Variants in PTPN13 observed in about 807,000 individuals in gnomAD.
PTPN13 encodes the protein tyrosine-protein phosphatase non-receptor type 13.
In PTPN13, 191 loss-of-function variants were observed where a neutral mutation model predicts 284.0. That is an observed-to-expected ratio of 0.67 (90% CI 0.60 to 0.76). The LOEUF (loss-of-function observed/expected upper bound fraction) is 0.76. PTPN13 is among the 30% of genes least tolerant of loss of function. The pLI is 0.00. For missense variants in PTPN13, 2,797 were observed against 2,939.9 expected, an observed-to-expected ratio of 0.95 and a Z score of 1.12; for synonymous variants, 986 against 1,022.3, an observed-to-expected ratio of 0.96 and a Z score of 0.68.
chr4:86,638,284 C>T (rs533032377), intron 2 of PTPN13, among the ~76,000 whole-genome samples: 1 of 152,280 alleles, frequency 6.6e-6, no homozygotes, highest in East Asian at 1.9e-4. Flanking sequence ...ATGCCATCCC[C>T]ATCAAGCTAC....
At chr4:86,609,354 T>C (rs1194999006) in intron 1 of PTPN13, among the ~76,000 whole-genome samples, 1 of 152,150 alleles carries the variant, frequency 6.6e-6, no homozygotes, top group African/African-American at 2.4e-5. Context: ...TAGGTAAAAC[T>C]TGTATTTATA....
intron 2 of PTPN13, 61 bp downstream of exon 2, chr4:86,635,432 A>G: frequency 6.5e-7 from 1 of 1,543,166 alleles, no homozygotes; most frequent in Non-Finnish European, 8.7e-7. Context: ...CTTAAAAAAC[A>G]GATACAGGGT....
At chr4:86,641,929 A>T (rs994075011) in intron 2 of PTPN13, among the ~76,000 whole-genome samples, 6 of 152,172 alleles carry the variant, frequency 3.9e-5, no homozygotes, top group African/African-American at 1.4e-4. Flanking sequence ...AAACTTTATT[A>T]GTCTGTATTC....
intron 47 of PTPN13, among the ~76,000 whole-genome samples, chr4:86,814,241 G>C (rs1002288014): frequency 1.3e-5 from 2 of 151,530 alleles, no homozygotes; most frequent in African/African-American, 4.9e-5. Flanking sequence ...TCTTGACCTC[G>C]TGATCCACCC....
chr4:86,659,233 A>G (rs1726196385), intron 2 of PTPN13, among the ~76,000 whole-genome samples: 1 of 152,194 alleles, frequency 6.6e-6, no homozygotes, highest in Non-Finnish European at 1.5e-5. Flanking sequence ...TATACTAAAA[A>G]TATCATTTTC....
At chr4:86,757,105 T>C (rs1565495943) in intron 20 of PTPN13, among the ~76,000 whole-genome samples, 1 of 152,310 alleles carries the variant, frequency 6.6e-6, no homozygotes, top group East Asian at 1.9e-4. Context: ...AATTGCGAAG[T>C]AGATGAATTA....
intron 3 of PTPN13, among the ~76,000 whole-genome samples, chr4:86,675,888 A>G (rs1728222456): frequency 6.6e-6 from 1 of 152,168 alleles, no homozygotes; most frequent in Non-Finnish European, 1.5e-5. Context: ...CTTTCTGTTC[A>G]AAAATATTGA....
chr4:86,779,497 A>G (rs966112118), intron 35 of PTPN13, among the ~76,000 whole-genome samples: 4 of 152,014 alleles, frequency 2.6e-5, no homozygotes, highest in African/African-American at 9.7e-5. Context: ...GAGGAATGCT[A>G]TGAGAAGAGC....
chr4:86,685,288 C>T (rs1202453774), intron 3 of PTPN13, among the ~76,000 whole-genome samples: 1 of 152,052 alleles, frequency 6.6e-6, no homozygotes, highest in Non-Finnish European at 1.5e-5. Flanking sequence ...CAAATCAAAA[C>T]TGCAGTGAGG....
chr4:86,801,366 C>T (rs1744010196), intron 42 of PTPN13, among the ~76,000 whole-genome samples: 1 of 152,140 alleles, frequency 6.6e-6, no homozygotes, highest in Non-Finnish European at 1.5e-5. Flanking sequence ...TGCTTAGAAG[C>T]TAATTTAAAT....
intron 2 of PTPN13, among the ~76,000 whole-genome samples, chr4:86,648,835 A>G (rs1578333134): frequency 6.6e-6 from 1 of 152,178 alleles, no homozygotes; most frequent in South Asian, 2.1e-4. Context: ...GTAGTAATTT[A>G]CATTCCCACC....
At position 86,768,707 on chromosome 4, in the gene PTPN13, ATC is replaced by A. The variant is rs202136844; in HGVS notation, c.4489+733_4489+734del. On this transcript the variant is annotated intron_variant, in intron 28 of 47. Transcript: ENST00000411767. ...CTGCTCTTTATTCTTTATTTCTTCC[ATC>A]TTTTTTTTTTTTTTTTTTTGAAACA... Among the ~76,000 whole-genome samples, 292 of 145,136 alleles carry A rather than the reference ATC, an allele frequency of 2.0e-3. 2 individuals carry two copies. Among genetic ancestry groups the A allele is most frequent in the African/African-American group, 7.1e-3 (275 of 38,650 alleles).
intron 2 of PTPN13, among the ~76,000 whole-genome samples, chr4:86,655,518 T>A (rs1422301261): frequency 6.6e-6 from 1 of 152,236 alleles, no homozygotes. Context: ...TTTGGCTGGA[T>A]ATGAAATTCT....
At chr4:86,605,187 G>A (rs1764643121) in intron 1 of PTPN13, among the ~76,000 whole-genome samples, 1 of 151,928 alleles carries the variant, frequency 6.6e-6, no homozygotes, top group South Asian at 2.1e-4. Flanking sequence ...TTATGTTAAA[G>A]AAAGTGCCTT....
chr4:86,635,481 G>A (rs1166984445), intron 2 of PTPN13, 110 bp downstream of exon 2: 2 of 1,453,804 alleles, frequency 1.4e-6, no homozygotes, highest in Non-Finnish European at 1.8e-6. Context: ...CTGTGCCTTT[G>A]GCAGAGTATG....
chr4:86,676,299 G>C (rs934013462), intron 3 of PTPN13, among the ~76,000 whole-genome samples: 1 of 152,136 alleles, frequency 6.6e-6, no homozygotes, highest in East Asian at 1.9e-4. Flanking sequence ...TAAATGTTGG[G>C]CTTGTAGGGA....
At chr4:86,791,643 G>T (rs1475650343) in intron 40 of PTPN13, among the ~76,000 whole-genome samples, 1 of 152,194 alleles carries the variant, frequency 6.6e-6, no homozygotes, top group African/African-American at 2.4e-5. Flanking sequence ...CCTCTGGGAT[G>T]AAGCTTCCAG....
intron 20 of PTPN13, among the ~76,000 whole-genome samples, chr4:86,754,987 C>T (rs1004336478): frequency 6.6e-6 from 1 of 152,030 alleles, no homozygotes; most frequent in Non-Finnish European, 1.5e-5. Flanking sequence ...CAAGTTTTCA[C>T]ATAATACAGC....
At chr4:86,636,715 A>T (rs1338025145) in intron 2 of PTPN13, among the ~76,000 whole-genome samples, 10 of 152,120 alleles carry the variant, frequency 6.6e-5, no homozygotes, top group Non-Finnish European at 1.0e-4. Context: ...AATGCCCACA[A>T]GAGAAAGCAG....
Sources: gnomAD v4.1 joint callset for allele counts (sites outside exome capture counted in the v4.1 genomes callset) on GRCh38, gnomAD v4.1.1 for gene constraint, MANE v1.5 for transcripts, NCBI Gene and HGNC (gene_info 2026-07-23, HGNC 2026-07-21) for gene names.